The following ARHGEF28 variants were observed in gnomAD, a reference collection of about 807,000 sequenced individuals.
The protein encoded by ARHGEF28 is Rho guanine nucleotide exchange factor 28.
A neutral mutation model predicts 206.6 loss-of-function variants in ARHGEF28; 152 were observed. The observed-to-expected ratio is 0.74, with a 90% CI of 0.64 to 0.84. ARHGEF28 has a LOEUF of 0.84. ARHGEF28 is among the 40% of genes least tolerant of loss of function. ARHGEF28 has a pLI of 0.00. For synonymous variants in ARHGEF28, 763 were observed against 776.4 expected (o/e 0.98, Z 0.29); for missense variants, 2,028 against 2,073.2 (o/e 0.98, Z 0.42).
At chr5:73,726,750 G>A (rs73762179) in intron 2 of ARHGEF28, among the ~76,000 whole-genome samples, 1 of 152,144 alleles carries the variant, frequency 6.6e-6, no homozygotes. Flanking sequence ...TTATGTGAAC[G>A]AGGCATGTTT....
Position 73,789,156 on chromosome 5 carries a change from G to A in ARHGEF28, c.911-5246G>A, listed in dbSNP as rs530733691. On this transcript the variant is annotated intron_variant, in intron 7 of 35. Coordinates refer to ENST00000513042, the MANE Select transcript of ARHGEF28 (RefSeq NM_001177693.2). ...CTGAGGAATAGATAAACAAAACAAA[G>A]TAGATACCTCCTATCTATCTATCTA... Among the ~76,000 whole-genome samples the A allele has an allele frequency of 2.6e-5, 4 of 152,208 alleles. No individual in the cohort carries two copies. The East Asian group carries it at 7.7e-4, about 29-fold the overall frequency.
chr5:73,937,968 CAAG>C (rs1363986013), intron 35 of ARHGEF28, among the ~76,000 whole-genome samples: 1 of 151,986 alleles, frequency 6.6e-6, no homozygotes, highest in Non-Finnish European at 1.5e-5. Context: ...AGGTAGAAAC[CAAG>C]AAGGAACATG....
intron 1 of ARHGEF28, among the ~76,000 whole-genome samples, chr5:73,639,448 A>G (rs1743935457): frequency 6.6e-6 from 1 of 151,884 alleles, no homozygotes; most frequent in African/African-American, 2.4e-5. Context: ...GCTAGTAAAA[A>G]AATGTGTGTA....
chr5:73,716,114 A>G (rs1410064759), intron 2 of ARHGEF28, among the ~76,000 whole-genome samples: 2 of 151,500 alleles, frequency 1.3e-5, no homozygotes, highest in Non-Finnish European at 2.9e-5. Flanking sequence ...GTTAAAAACT[A>G]TCCAGGGAAG....
intron 2 of ARHGEF28, among the ~76,000 whole-genome samples, chr5:73,734,832 G>C (rs1035068729): frequency 2.6e-5 from 4 of 152,082 alleles, no homozygotes; most frequent in African/African-American, 4.8e-5. Context: ...TTGCAGTGGA[G>C]AGGGAAGACT....
In ARHGEF28 at chr5:73,718,687, C is replaced by T. The variant is rs543210899; in HGVS notation, c.34-31150C>T. On this transcript the variant is annotated intron_variant, in intron 2 of 35. Transcript: ENST00000513042. ...ATGCTGTTTGGACCCCTCCAAATCT[C>T]TGTCACATTCTCCATACAGCCCATG... Among the ~76,000 whole-genome samples the T allele has an allele frequency of 3.3e-5, 5 of 152,338 alleles. No homozygotes were observed. In the South Asian group the frequency reaches 8.3e-4, roughly 25 times the overall value.
At chr5:73,823,336 A>G (rs941911704) in intron 9 of ARHGEF28, among the ~76,000 whole-genome samples, 2 of 152,352 alleles carry the variant, frequency 1.3e-5, no homozygotes, top group African/African-American at 4.8e-5. Flanking sequence ...ACCATTTTGC[A>G]TAAAATTACA....
intron 1 of ARHGEF28, among the ~76,000 whole-genome samples, chr5:73,653,915 G>A (rs1050091349): frequency 6.6e-6 from 1 of 152,184 alleles, no homozygotes. Flanking sequence ...TACTCAATCG[G>A]CCACCCTGGG....
At chr5:73,684,535 T>C (rs1417708702) in intron 1 of ARHGEF28, among the ~76,000 whole-genome samples, 1 of 152,244 alleles carries the variant, frequency 6.6e-6, no homozygotes, top group East Asian at 1.9e-4. Context: ...GCTATGAACA[T>C]AGGTATAAAA....
intron 2 of ARHGEF28, among the ~76,000 whole-genome samples, chr5:73,693,679 T>C (rs1469108231): frequency 3.9e-5 from 6 of 152,232 alleles, no homozygotes; most frequent in Non-Finnish European, 7.3e-5. Flanking sequence ...TAACTTTACT[T>C]GTGTCTTTAT....
At chr5:73,741,040 T>C (rs1171472098) in intron 2 of ARHGEF28, among the ~76,000 whole-genome samples, 1 of 152,138 alleles carries the variant, frequency 6.6e-6, no homozygotes, top group Non-Finnish European at 1.5e-5. Flanking sequence ...ATTTTTCTTA[T>C]ACCCAAGCCA....
At position 73,898,072 on chromosome 5, in the gene ARHGEF28, G is replaced by A. The variant is rs756978043; in HGVS notation, c.3952G>A (p.Val1318Ile). Residue 1318 changes from valine (V) to isoleucine (I), a missense_variant, in exon 30 of 36, where the codon GTA becomes ATA. Val to Ile is a conservative substitution (Grantham distance 29). Coordinates refer to ENST00000513042, the MANE Select transcript of ARHGEF28 (RefSeq NM_001177693.2). ...GGCGGACACACTCAGTTCTCATGATGTACCAGGATCACCGACTGCCTGTAA... is the reference window on the plus strand; with the variant it reads ...GGCGGACACACTCAGTTCTCATGATATACCAGGATCACCGACTGCCTGTAA... Reference protein sequence around the residue: ...VLADTLSSHDVPGSPTASLVT... With the variant: ...VLADTLSSHDIPGSPTASLVT... 2.5e-6 allele frequency: 4 copies of A among 1,612,224 alleles called. No individual in the cohort carries two copies. The Admixed American group carries it at 5.0e-5, about 20-fold the overall frequency.
At chr5:73,879,061 C>G (rs1228232322) in intron 22 of ARHGEF28, among the ~76,000 whole-genome samples, 3 of 152,150 alleles carry the variant, frequency 2.0e-5, no homozygotes. Flanking sequence ...TTCAGGTACA[C>G]CAAGCAGACG....
intron 35 of ARHGEF28, among the ~76,000 whole-genome samples, chr5:73,913,886 G>A (rs929357037): frequency 6.6e-5 from 10 of 152,130 alleles, no homozygotes; most frequent in South Asian, 2.1e-4. Flanking sequence ...AACGTCTGCC[G>A]TTCCAGGTAA....
chr5:73,710,256 A>G (rs1199168303), intron 2 of ARHGEF28, among the ~76,000 whole-genome samples: 2 of 152,192 alleles, frequency 1.3e-5, no homozygotes, highest in African/African-American at 2.4e-5. Context: ...TCTAAAAGGT[A>G]TGTAGTAGTA....
chr5:73,820,675 C>T (rs1756526398), intron 9 of ARHGEF28, among the ~76,000 whole-genome samples: 1 of 152,126 alleles, frequency 6.6e-6, no homozygotes, highest in South Asian at 2.1e-4. Flanking sequence ...TAGATGCTTC[C>T]CCCAGAAACG....
chr5:73,725,456 C>T (rs1428479967), intron 2 of ARHGEF28, among the ~76,000 whole-genome samples: 2 of 152,108 alleles, frequency 1.3e-5, no homozygotes, highest in East Asian at 3.8e-4. Flanking sequence ...TATTTTTTCC[C>T]TTGGATAAAC....
intron 2 of ARHGEF28, among the ~76,000 whole-genome samples, chr5:73,710,010 T>C (rs1749151263): frequency 6.6e-6 from 1 of 152,236 alleles, no homozygotes; most frequent in African/African-American, 2.4e-5. Flanking sequence ...TTATGAATAA[T>C]GCAGCTCCAG....
rs146438421 is a variant in ARHGEF28 at position 73,825,656 on chromosome 5, A to G, written c.1025-6682A>G. ...AGACTACTGTTGTAACAGTTTAGGA[A>G]GAAGACCGTGGTGGCTTGCCTGGTG... On this transcript the variant is annotated intron_variant, in intron 9 of 35. Coordinates refer to ENST00000513042, the MANE Select transcript of ARHGEF28 (RefSeq NM_001177693.2). 6.5e-3 allele frequency among the ~76,000 whole-genome samples: 984 copies of G among 152,328 alleles called. 12 individuals carry two copies. Among genetic ancestry groups the G allele is most frequent in the African/African-American group, 0.022 (920 of 41,568 alleles).
Sources: gnomAD v4.1 joint callset for allele counts (sites outside exome capture counted in the v4.1 genomes callset) on GRCh38, gnomAD v4.1.1 for gene constraint, MANE v1.5 for transcripts, NCBI Gene and HGNC (gene_info 2026-07-23, HGNC 2026-07-21) for gene names.